The following LTA4H variants were observed in gnomAD, a reference collection of about 807,000 sequenced individuals.
LTA4H encodes the protein leukotriene A-4 hydrolase.
LTA4H carries 59 observed loss-of-function variants against 89.8 expected under a neutral mutation model. That is an observed-to-expected ratio of 0.66 (90% CI 0.53 to 0.82). The LOEUF (loss-of-function observed/expected upper bound fraction) is 0.82, where lower values mean the gene tolerates loss of function less well. Among genes scored for constraint, LTA4H ranks in the 40% least tolerant of loss-of-function variants. LTA4H has a pLI of 0.00. For missense variants in LTA4H, 617 were observed against 727.0 expected, an observed-to-expected ratio of 0.85 and a Z score of 1.74; for synonymous variants, 227 against 253.1, an observed-to-expected ratio of 0.90 and a Z score of 0.98.
chr12:96,031,326 A>C (rs1229091799), intron 1 of LTA4H, among the ~76,000 whole-genome samples: 2 of 152,228 alleles, frequency 1.3e-5, no homozygotes, highest in Non-Finnish European at 2.9e-5. Flanking sequence ...GACCAAGAGA[A>C]AACAAAAAAT....
intron 10 of LTA4H, among the ~76,000 whole-genome samples, 193 bp downstream of exon 10, chr12:96,016,851 G>T (rs996651431): frequency 6.6e-6 from 1 of 151,388 alleles, no homozygotes; most frequent in Non-Finnish European, 1.5e-5. Context: ...CAGTGAGCTA[G>T]ATCGCACCAC....
chr12:96,027,875 T>TA (rs1461901617), intron 2 of LTA4H: 3 of 167,564 alleles, frequency 1.8e-5, no homozygotes, highest in African/African-American at 7.2e-5. Flanking sequence ...AATATTTTAT[T>TA]AGAGTGAAAA....
At position 96,000,978 on chromosome 12, in the gene LTA4H, T is replaced by C. The variant is rs1169150698; in HGVS notation, c.*11A>G. The C allele has an allele frequency of 2.0e-6, 3 of 1,518,468 alleles. No individual in the cohort carries two copies. The highest frequency in any genetic ancestry group is 2.7e-6 in the Non-Finnish European group (3 of 1,092,906). The allele number at this position is 1,518,468 out of a possible 1,614,324, so 94.1% of individuals were successfully genotyped here. A position where few individuals can be genotyped will look rare whatever the true frequency, so the allele number is the denominator to read the frequency against. ...AAAGAGAAATCTCTAAAATCATCAA[T>C]ACGCAGGTCTTTAATCCACTTTTAA... is the stretch of plus-strand genomic sequence containing the variant. On this transcript the variant is annotated 3_prime_UTR_variant, in exon 19 of 19. Coordinates refer to ENST00000228740, the MANE Select transcript of LTA4H (RefSeq NM_000895.3).
chr12:96,035,341 G>T lies in LTA4H; in HGVS notation c.159+20C>A. On this transcript the variant is annotated intron_variant, in intron 1 of 18. Coordinates refer to ENST00000228740, the MANE Select transcript of LTA4H (RefSeq NM_000895.3). ...AGGGAGCCCGGGAGAGGCGGGCACTGGGCAGGCGCCCCACTGTACCAGGCT... is the reference window on the plus strand; with the variant it reads ...AGGGAGCCCGGGAGAGGCGGGCACTTGGCAGGCGCCCCACTGTACCAGGCT... The T allele has an allele frequency of 6.3e-7, 1 of 1,582,414 alleles. No homozygotes were observed. The highest frequency in any genetic ancestry group is 1.1e-5 in the South Asian group (1 of 89,054).
At position 96,035,425 on chromosome 12, in the gene LTA4H, CG is replaced by C; in HGVS notation, c.94del (p.Arg32AlafsTer4). 6.2e-7 allele frequency: 1 copy of C among 1,610,364 alleles called. No homozygotes were observed. Among genetic ancestry groups the C allele is most frequent in the South Asian group, 1.1e-5 (1 of 90,242 alleles). On this transcript the variant is annotated frameshift_variant, in exon 1 of 19. Transcript: ENST00000228740. LOFTEE classifies it high-confidence loss of function. The part of the protein sequence containing the change: ...LHLRCSVDFT[R>X]RTLTGTAALT... Reference sequence around the variant, plus strand: ...AGCAGCAGTCCCGGTCAGCGTCCGGCGAGTAAAGTCGACGCTGCAGCGCAGG... The same window carrying C: ...AGCAGCAGTCCCGGTCAGCGTCCGGCAGTAAAGTCGACGCTGCAGCGCAGG...
intron 7 of LTA4H, 63 bp from the exon 8 acceptor site, chr12:96,018,966 T>C (rs1950418326): frequency 5.0e-6 from 7 of 1,407,130 alleles, no homozygotes; most frequent in South Asian, 4.2e-5. Context: ...TTTCTTAAAA[T>C]TGTATATTGC....
At chr12:96,023,801 A>G (rs1950481229) in intron 4 of LTA4H, among the ~76,000 whole-genome samples, 1 of 152,268 alleles carries the variant, frequency 6.6e-6, no homozygotes, top group Admixed American at 6.5e-5. Flanking sequence ...ATATGGCTAC[A>G]GAATGCATTT....
intron 13 of LTA4H, 107 bp downstream of exon 13, chr12:96,013,643 C>CTAAAT: frequency 1.5e-6 from 1 of 652,958 alleles, no homozygotes; most frequent in Non-Finnish European, 2.7e-6. Flanking sequence ...AGGTTGAGTC[C>CTAAAT]TAAAGTTCTG....
At chr12:96,009,459 T>C (rs1382796611) in intron 14 of LTA4H, 1 of 309,848 alleles carries the variant, frequency 3.2e-6, no homozygotes, top group Non-Finnish European at 6.0e-6. Flanking sequence ...CAGTTGAGCA[T>C]ATTTAGTACA....
At chr12:96,007,817 CTG>C (rs1210980485) in intron 15 of LTA4H, among the ~76,000 whole-genome samples, 1 of 152,210 alleles carries the variant, frequency 6.6e-6, no homozygotes, top group Non-Finnish European at 1.5e-5. Context: ...TACACTCACA[CTG>C]TTAAAAAATC....
intron 16 of LTA4H, among the ~76,000 whole-genome samples, chr12:96,004,666 C>T (rs1050235621): frequency 6.6e-6 from 1 of 152,156 alleles, no homozygotes; most frequent in South Asian, 2.1e-4. Flanking sequence ...CCTCCAACCA[C>T]GACCTCCTTA....
chr12:96,031,216 G>T (rs939388198), intron 1 of LTA4H, among the ~76,000 whole-genome samples: 4 of 152,070 alleles, frequency 2.6e-5, no homozygotes, highest in Non-Finnish European at 5.9e-5. Context: ...ATTAGACTAA[G>T]GGTTCTAAAA....
At chr12:96,015,825 G>A (rs1310714817) in intron 10 of LTA4H, 131 bp from the exon 11 acceptor site, 10 of 627,060 alleles carry the variant, frequency 1.6e-5, no homozygotes, top group Non-Finnish European at 2.5e-5. Flanking sequence ...AGTCTAAGCC[G>A]ACTCTGGCTC....
At chr12:96,013,132 AG>A in intron 14 of LTA4H, 55 bp downstream of exon 14, 1 of 1,293,368 alleles carries the variant, frequency 7.7e-7, no homozygotes, top group Non-Finnish European at 1.1e-6. Context: ...AGATATTTTG[AG>A]GCTCTCTAGG....
chr12:96,035,996 A>G (rs1290093021), upstream of LTA4H, among the ~76,000 whole-genome samples: 2 of 152,202 alleles, frequency 1.3e-5, no homozygotes, highest in African/African-American at 2.4e-5. Context: ...GAAAAGGCCT[A>G]TCAGAAGGCT....
intron 4 of LTA4H, among the ~76,000 whole-genome samples, chr12:96,023,225 C>T (rs777033905): frequency 2.6e-5 from 4 of 152,158 alleles, no homozygotes; most frequent in Non-Finnish European, 5.9e-5. Context: ...ATTAGAAGTT[C>T]CTGAACCAGT....
intron 3 of LTA4H, among the ~76,000 whole-genome samples, chr12:96,025,095 C>T (rs960954334): frequency 3.9e-5 from 6 of 152,310 alleles, no homozygotes; most frequent in East Asian, 1.9e-4. Context: ...GTGTTTCCTA[C>T]TCTATGGTCT....
chr12:96,038,308 A>C (rs1322877027), upstream of LTA4H, among the ~76,000 whole-genome samples: 1 of 152,208 alleles, frequency 6.6e-6, no homozygotes, highest in Admixed American at 6.5e-5. Flanking sequence ...AAAACCAAAA[A>C]ATCCCAAACT....
chr12:96,038,727 T>C (rs1328281327), upstream of LTA4H, among the ~76,000 whole-genome samples: 1 of 150,044 alleles, frequency 6.7e-6, no homozygotes, highest in African/African-American at 2.5e-5. Context: ...ATACAATAGA[T>C]AACATAGAAT....
Sources: gnomAD v4.1 joint callset for allele counts (sites outside exome capture counted in the v4.1 genomes callset) on GRCh38, gnomAD v4.1.1 for gene constraint, MANE v1.5 for transcripts, NCBI Gene and HGNC (gene_info 2026-07-23, HGNC 2026-07-21) for gene names.